The following NIBAN2 variants were observed in gnomAD, a reference collection of about 807,000 sequenced individuals.
The protein encoded by NIBAN2 is niban apoptosis regulator 2.
A neutral mutation model predicts 81.8 loss-of-function variants in NIBAN2; 36 were observed. The observed-to-expected ratio is 0.44, with a 90% CI of 0.34 to 0.58. NIBAN2 has a LOEUF of 0.58. NIBAN2 is among the 20% of genes least tolerant of loss of function. The pLI is 0.02. For missense variants in NIBAN2, 897 were observed against 1,014.1 expected (o/e 0.88, Z 1.57); for synonymous variants, 445 against 441.6 (o/e 1.01, Z -0.10).
At chr9:127,529,028 G>A (rs529879942) in intron 2 of NIBAN2, among the ~76,000 whole-genome samples, 1 of 152,362 alleles carries the variant, frequency 6.6e-6, no homozygotes, top group South Asian at 2.1e-4. Context: ...CTGGCTGTGG[G>A]TTTGGGTTTT....
chr9:127,568,363 G>A (rs930691717), intron 1 of NIBAN2, among the ~76,000 whole-genome samples: 7 of 152,224 alleles, frequency 4.6e-5, no homozygotes, highest in African/African-American at 1.4e-4. Flanking sequence ...GTGTACCAGG[G>A]CTGGGGCCCG....
intron 2 of NIBAN2, among the ~76,000 whole-genome samples, chr9:127,527,839 C>T (rs755868231): frequency 1.3e-5 from 2 of 152,200 alleles, no homozygotes; most frequent in Non-Finnish European, 2.9e-5. Context: ...ATAACTTGAA[C>T]AAGGTGGCTC....
chr9:127,531,881 T>C (rs1331542053), intron 1 of NIBAN2, 103 bp from the exon 2 acceptor site: 33 of 1,491,386 alleles, frequency 2.2e-5, no homozygotes, highest in Non-Finnish European at 2.6e-5. Flanking sequence ...AATTCCTGCA[T>C]GTGGAATTGT....
chr9:127,535,668 G>A (rs187593941), intron 1 of NIBAN2, among the ~76,000 whole-genome samples: 6 of 152,220 alleles, frequency 3.9e-5, no homozygotes, highest in East Asian at 1.9e-4. Flanking sequence ...GGTTTGTCAC[G>A]TTGGCCCCAG....
At chr9:127,548,123 G>A (rs1837507723) in intron 1 of NIBAN2, among the ~76,000 whole-genome samples, 1 of 152,160 alleles carries the variant, frequency 6.6e-6, no homozygotes, top group Admixed American at 6.5e-5. Context: ...AGGGTGACTG[G>A]AACAGCACCT....
chr9:127,568,089 C>T (rs1161706316), intron 1 of NIBAN2, among the ~76,000 whole-genome samples: 1 of 152,180 alleles, frequency 6.6e-6, no homozygotes, highest in Non-Finnish European at 1.5e-5. Context: ...ACAGCTGTCC[C>T]TGGGAGAAGT....
In NIBAN2 at chr9:127,507,126, G is replaced by T; in HGVS notation, c.1960C>A (p.Arg654=). 6.3e-7 allele frequency: 1 copy of T among 1,596,082 alleles called. No homozygotes were observed. Among genetic ancestry groups the T allele is most frequent in the African/African-American group, 1.3e-5 (1 of 74,802 alleles). The change falls in exon 14 of 14, where the codon CGA becomes AGA. Residue 654 remains arginine (R), a synonymous_variant. Transcript: ENST00000373312. The surrounding 1 kb of genome is among the most constrained non-coding windows in gnomAD (Gnocchi z 6.8). ...CGCAGACCTTGGGCCAGCAGGCCTC[G>T]GATCTCAGTGACACCGTCCGGGGAC... ...PASPDGVTEI[R]GLLAQGLRPE...
At chr9:127,510,704 GGATTA>G (rs1350598477) in intron 8 of NIBAN2, among the ~76,000 whole-genome samples, 1 of 151,980 alleles carries the variant, frequency 6.6e-6, no homozygotes, top group Non-Finnish European at 1.5e-5. Flanking sequence ...CAAAGTGCTG[GGATTA>G]CAGGCATGAG....
chr9:127,512,875 C>T (rs570824357), intron 8 of NIBAN2, among the ~76,000 whole-genome samples: 1 of 152,284 alleles, frequency 6.6e-6, no homozygotes, highest in East Asian at 1.9e-4. Context: ...TGGGTATATA[C>T]CCAAATAAAG....
chr9:127,541,222 C>T (rs952987553), intron 1 of NIBAN2, among the ~76,000 whole-genome samples: 13 of 152,208 alleles, frequency 8.5e-5, no homozygotes, highest in Non-Finnish European at 1.8e-4. Flanking sequence ...GCACATCCAA[C>T]AGAGCTGGGT....
Position 127,517,673 on chromosome 9 carries a change from G to T in NIBAN2, c.705+153C>A, listed in dbSNP as rs1836859605. On this transcript the variant is annotated intron_variant, in intron 6 of 13. Coordinates refer to ENST00000373312, the MANE Select transcript of NIBAN2 (RefSeq NM_022833.4). The surrounding 1 kb of genome is among the most constrained non-coding windows in gnomAD (Gnocchi z 4.0). The stretch of plus-strand genomic sequence containing the variant: ...AATAAGACAGCGAGTATCTCCACGT[G>T]CACTGGCCCTGCACTTGTCCAAATC... Among the ~76,000 whole-genome samples the T allele has an allele frequency of 1.3e-5, 2 of 152,118 alleles. No individual in the cohort carries two copies. The highest frequency in any genetic ancestry group is 1.3e-4 in the Admixed American group (2 of 15,272).
intron 8 of NIBAN2, among the ~76,000 whole-genome samples, chr9:127,511,070 A>T (rs1212009234): frequency 1.3e-5 from 2 of 152,000 alleles, no homozygotes; most frequent in Non-Finnish European, 2.9e-5. Context: ...TTTGAGACAG[A>T]GTCTCGTGCT....
upstream of NIBAN2, among the ~76,000 whole-genome samples, chr9:127,571,373 T>C (rs1837944039): frequency 1.3e-5 from 2 of 152,198 alleles, no homozygotes; most frequent in African/African-American, 2.4e-5. Flanking sequence ...TGAGCATCCA[T>C]GGCCTCATAT....
intron 1 of NIBAN2, among the ~76,000 whole-genome samples, chr9:127,577,383 C>T (rs1838022807): frequency 6.6e-6 from 1 of 151,892 alleles, no homozygotes; most frequent in Admixed American, 6.6e-5. Context: ...TGCAATACCC[C>T]ACGCTTCCCA....
chr9:127,509,688 G>A (rs954323005), intron 9 of NIBAN2, among the ~76,000 whole-genome samples: 2 of 151,838 alleles, frequency 1.3e-5, no homozygotes, highest in African/African-American at 4.8e-5. Context: ...TAAGGGCAAC[G>A]GCTGTCTCCA....
At chr9:127,568,799 G>A (rs1452971244) in intron 1 of NIBAN2, 21 bp downstream of exon 1, 3 of 1,299,744 alleles carry the variant, frequency 2.3e-6, no homozygotes, top group Non-Finnish European at 2.9e-6. Context: ...CTGGGCGCGC[G>A]TGGCGCGGCG....
In NIBAN2 at chr9:127,517,361, T is replaced by C. The variant is rs866102895; in HGVS notation, c.706-145A>G. 5 of 669,422 alleles carry C rather than the reference T, an allele frequency of 7.5e-6. No individual in the cohort carries two copies. The highest frequency in any genetic ancestry group is 1.9e-5 in the South Asian group (1 of 52,918). The allele number at this position is 669,422 out of a possible 1,614,324, so 41.5% of individuals were successfully genotyped here. ...GCTTCACCCTCCCTGCTGCCCTCTCTCCTGAGCTCCATTCCCACAGGTCCC... is the reference window on the plus strand; with the variant it reads ...GCTTCACCCTCCCTGCTGCCCTCTCCCCTGAGCTCCATTCCCACAGGTCCC... On this transcript the variant is annotated intron_variant, in intron 6 of 13. Coordinates refer to ENST00000373312, the MANE Select transcript of NIBAN2 (RefSeq NM_022833.4). The surrounding 1 kb of genome is among the most constrained non-coding windows in gnomAD (Gnocchi z 4.0).
upstream of NIBAN2, chr9:127,569,117 C>T: frequency 3.0e-6 from 3 of 1,004,508 alleles, no homozygotes; most frequent in Middle Eastern, 4.8e-4. Context: ...CGCCCCGCTC[C>T]GCCCCACCAG....
At chr9:127,578,821 C>T in intron 1 of NIBAN2, 1 of 1,133,162 alleles carries the variant, frequency 8.8e-7, no homozygotes, top group South Asian at 1.4e-5. Context: ...CATTCCGCTG[C>T]ACTCCAGCCT....
Sources: gnomAD v4.1 joint callset for allele counts (sites outside exome capture counted in the v4.1 genomes callset) on GRCh38, gnomAD v4.1.1 for gene constraint, Gnocchi (gnomAD v3.1) non-coding constraint, MANE v1.5 for transcripts, NCBI Gene and HGNC (gene_info 2026-07-23, HGNC 2026-07-21) for gene names.